The following COL11A1 variants were observed in gnomAD, a reference collection of about 807,000 sequenced individuals.
COL11A1 encodes the protein collagen alpha-1(XI) chain.
Under a neutral mutation model 265.2 loss-of-function variants are expected in COL11A1, and 74 were observed. The observed-to-expected ratio is 0.28, with a 90% confidence interval of 0.23 to 0.34. The LOEUF is 0.34. COL11A1 is among the 10% of genes least tolerant of loss of function. The pLI, the probability that COL11A1 is intolerant of heterozygous loss-of-function variation, is 1.00. For synonymous variants in COL11A1, 816 were observed against 727.6 expected (o/e 1.12, Z -1.96); for missense variants, 2,165 against 2,263.6 (o/e 0.96, Z 0.88).
At chr1:102,997,258 A>C in intron 25 of COL11A1, 134 bp from the exon 26 acceptor site, 1 of 825,998 alleles carries the variant, frequency 1.2e-6, no homozygotes, top group South Asian at 1.5e-5. Flanking sequence ...ACACTTTTGC[A>C]TCAGTGTGTA....
At chr1:102,894,500 C>A (rs1416404354) in intron 57 of COL11A1, among the ~76,000 whole-genome samples, 3 of 149,750 alleles carry the variant, frequency 2.0e-5, no homozygotes, top group Non-Finnish European at 3.0e-5. Flanking sequence ...TGCCACTGCA[C>A]TCCAGCCCCG....
chr1:103,056,055 T>C (rs536937911), intron 4 of COL11A1, among the ~76,000 whole-genome samples: 7 of 152,328 alleles, frequency 4.6e-5, no homozygotes, highest in African/African-American at 1.7e-4. Flanking sequence ...TTGTGTTTTA[T>C]TTTGTTTTGT....
intron 41 of COL11A1, among the ~76,000 whole-genome samples, chr1:102,960,826 C>T (rs78305406): frequency 5.2e-4 from 79 of 152,040 alleles, no homozygotes; most frequent in African/African-American, 1.8e-3. Context: ...TTTCCAAAGG[C>T]AGTGTGGAAC....
chr1:102,880,755 T>A (rs994615925), intron 65 of COL11A1, among the ~76,000 whole-genome samples: 14 of 152,124 alleles, frequency 9.2e-5, no homozygotes, highest in African/African-American at 3.4e-4. Flanking sequence ...AGTTATTTGT[T>A]ACTTTCTTCC....
chr1:102,971,060 C>A (rs1661934711), intron 36 of COL11A1, among the ~76,000 whole-genome samples: 1 of 151,598 alleles, frequency 6.6e-6, no homozygotes, highest in South Asian at 2.1e-4. Flanking sequence ...TAAATACAAA[C>A]TCATAAAAAA....
chr1:103,059,153 C>T (rs1670466016), intron 4 of COL11A1, among the ~76,000 whole-genome samples: 1 of 152,128 alleles, frequency 6.6e-6, no homozygotes, highest in South Asian at 2.1e-4. Flanking sequence ...TATGTTGTGC[C>T]TAACTGCAGT....
chr1:102,945,096 A>G (rs1339578858), intron 42 of COL11A1, among the ~76,000 whole-genome samples: 1 of 152,190 alleles, frequency 6.6e-6, no homozygotes, highest in African/African-American at 2.4e-5. Context: ...TCACCAAAAA[A>G]ACATCTTTTG....
chr1:102,967,423 G>C (rs1661547339), intron 37 of COL11A1, among the ~76,000 whole-genome samples: 1 of 151,602 alleles, frequency 6.6e-6, no homozygotes, highest in African/African-American at 2.4e-5. Flanking sequence ...TGTAGTTTTA[G>C]TAGAGACGGG....
intron 41 of COL11A1, among the ~76,000 whole-genome samples, chr1:102,948,912 T>C (rs1263626149): frequency 6.6e-6 from 1 of 151,904 alleles, no homozygotes; most frequent in Admixed American, 6.6e-5. Context: ...TGAGCAACCC[T>C]AAGAGTAAAA....
chr1:103,044,493 T>C (rs927755159), intron 4 of COL11A1, among the ~76,000 whole-genome samples: 2 of 152,122 alleles, frequency 1.3e-5, no homozygotes, highest in Admixed American at 6.6e-5. Flanking sequence ...ATGCCAAAAG[T>C]TGGATAAAAC....
chr1:102,988,155 CTT>C (rs1191050792), intron 29 of COL11A1, among the ~76,000 whole-genome samples: 1 of 152,056 alleles, frequency 6.6e-6, no homozygotes, highest in Non-Finnish European at 1.5e-5. Flanking sequence ...TCTTTTCAGA[CTT>C]TTGCATTTCT....
intron 4 of COL11A1, among the ~76,000 whole-genome samples, chr1:103,069,770 A>G (rs1014517024): frequency 2.0e-5 from 3 of 151,842 alleles, no homozygotes; most frequent in Non-Finnish European, 4.4e-5. Context: ...TCACAAAACA[A>G]TATGCATAAA....
intron 41 of COL11A1, among the ~76,000 whole-genome samples, chr1:102,948,783 A>G (rs978373971): frequency 4.6e-5 from 7 of 151,932 alleles, no homozygotes; most frequent in Non-Finnish European, 7.4e-5. Flanking sequence ...TTTTATGAAT[A>G]AAATAGTCAA....
rs762241754 is a variant in COL11A1 at position 102,940,312 on chromosome 1, A to G, written c.3384+15T>C. 88 of 1,601,084 alleles carry G rather than the reference A, an allele frequency of 5.5e-5. No individual in the cohort carries two copies. Among genetic ancestry groups the G allele is most frequent in the Non-Finnish European group, 6.8e-5 (80 of 1,168,304 alleles). The stretch of plus-strand genomic sequence containing the variant: ...TTTTTCACAGGATCTACTAACACGA[A>G]TAATGAATACCAACCTTGTCTCCGT... On this transcript the variant is annotated intron_variant, in intron 43 of 66. Transcript: ENST00000370096.
chr1:103,016,506 A>G (rs116212958), intron 11 of COL11A1, among the ~76,000 whole-genome samples: 37 of 152,102 alleles, frequency 2.4e-4, no homozygotes, highest in African/African-American at 7.9e-4. Flanking sequence ...GTATATGTCC[A>G]TAAGCTTTCA....
intron 4 of COL11A1, among the ~76,000 whole-genome samples, chr1:103,057,483 A>G (rs1215361215): frequency 6.6e-6 from 1 of 152,202 alleles, no homozygotes; most frequent in Non-Finnish European, 1.5e-5. Flanking sequence ...TGACATCTGG[A>G]ATGGTGAATC....
intron 1 of COL11A1, among the ~76,000 whole-genome samples, chr1:103,090,747 A>G (rs986004854): frequency 1.3e-4 from 20 of 152,316 alleles, no homozygotes; most frequent in Non-Finnish European, 2.6e-4. Flanking sequence ...TTCCATGAAA[A>G]TGTCTACCTT....
rs1221525255 is a variant in COL11A1, at chr1:102,961,706, A to T, written c.3168+160T>A. The T allele has an allele frequency of 1.8e-5, 12 of 667,354 alleles. No individual in the cohort carries two copies. In the Admixed American group the frequency reaches 2.6e-4, roughly 14 times the overall value. 41.3% of individuals were successfully genotyped at this position (667,354 alleles called of 1,614,324 possible). ...TCCAAACCCTTCTGTTTCTGCATTC[A>T]TTAGTGCATGCAATTAGTGGGAACT... On this transcript the variant is annotated intron_variant, in intron 41 of 66. Transcript: ENST00000370096.
intron 1 of COL11A1, among the ~76,000 whole-genome samples, chr1:103,099,506 C>T (rs1674064616): frequency 6.7e-6 from 1 of 150,066 alleles, no homozygotes; most frequent in South Asian, 2.1e-4. Flanking sequence ...ACTGCTATTT[C>T]TAATAGCTAA....
Sources: allele counts gnomAD v4.1 joint callset (sites outside exome capture counted in the v4.1 genomes callset), GRCh38; gene constraint gnomAD v4.1.1; transcripts MANE v1.5; gene names NCBI Gene and HGNC (gene_info 2026-07-23, HGNC 2026-07-21).